Variants in MYO16 observed in about 807,000 individuals in gnomAD.
The protein encoded by MYO16 is myosin XVI.
A neutral mutation model predicts 205.3 loss-of-function variants in MYO16; 94 were observed. The observed-to-expected ratio is 0.46, with a 90% CI of 0.39 to 0.54. MYO16 has a LOEUF of 0.54. Ranked by LOEUF, MYO16 falls within the 20% of genes least tolerant of loss-of-function variation. The pLI is 0.00. For synonymous variants in MYO16, 988 were observed against 954.0 expected (o/e 1.04, Z -0.66); for missense variants, 2,315 against 2,387.5 (o/e 0.97, Z 0.63).
chr13:108,716,730 G>A (rs758511942), intron 3 of MYO16, among the ~76,000 whole-genome samples: 11 of 152,204 alleles, frequency 7.2e-5, no homozygotes, highest in Non-Finnish European at 1.3e-4. Context: ...CAGCGACTTT[G>A]AGGGAAAGAG....
chr13:108,508,189 G>C, the MYO16 span, among the ~76,000 whole-genome samples: 1 of 149,618 alleles, frequency 6.7e-6, no homozygotes, highest in Non-Finnish European at 1.5e-5. Flanking sequence ...TTGTTCTTTT[G>C]ATTGGGCCAA....
chr13:108,507,634 C>T, the MYO16 span, among the ~76,000 whole-genome samples: 1 of 152,094 alleles, frequency 6.6e-6, no homozygotes, highest in Non-Finnish European at 1.5e-5. Flanking sequence ...TGTTTAACTT[C>T]TTAAATTTGG....
the MYO16 span, among the ~76,000 whole-genome samples, chr13:108,550,199 C>T: frequency 6.6e-6 from 1 of 152,270 alleles, no homozygotes; most frequent in Non-Finnish European, 1.5e-5. Flanking sequence ...TGCTCTTCGA[C>T]ACAGCTGCTG....
chr13:109,023,678 T>TATATATGC (rs1491174618), intron 23 of MYO16, among the ~76,000 whole-genome samples: 29 of 112,558 alleles, frequency 2.6e-4, no homozygotes, highest in African/African-American at 8.0e-4. Flanking sequence ...CAAATATATG[T>TATATATGC]ATATATACAT....
chr13:109,202,508 G>A lies in MYO16; in HGVS notation c.5416-4101G>A, dbSNP rs554094479. Among the ~76,000 whole-genome samples the A allele has an allele frequency of 1.3e-3, 194 of 152,030 alleles. 1 individual carries two copies. The highest frequency in any genetic ancestry group is 2.0e-3 in the Admixed American group (30 of 15,270). ...GTTGGGCATTTGTGTATCTTCTTTC[G>A]AGAAGTGTCTACTCAAGTCCTTAGC... On this transcript the variant is annotated intron_variant, in intron 34 of 34. Coordinates refer to ENST00000457511, the MANE Select transcript of MYO16 (RefSeq NM_001198950.3).
intron 23 of MYO16, among the ~76,000 whole-genome samples, chr13:109,026,351 G>A (rs894105898): frequency 5.3e-5 from 8 of 152,096 alleles, no homozygotes. Context: ...TGAGAGAAAA[G>A]AAGGAGGCCA....
At position 109,125,206 on chromosome 13, in the gene MYO16, A is replaced by G. The variant is rs1244746427; in HGVS notation, c.3630A>G (p.Thr1210=). ...VTSINSFLQN[T]EDMGLKTYDA... is the part of the protein sequence containing the mutation. Reference sequence around the variant, plus strand: ...CTATCAATAGCTTTCTGCAGAACACAGAGGACATGGGGCTGAAAACCTACG... The same window carrying G: ...CTATCAATAGCTTTCTGCAGAACACGGAGGACATGGGGCTGAAAACCTACG... Residue 1210 remains threonine (T), a synonymous_variant, in exon 30 of 35, where the codon ACA becomes ACG. Coordinates refer to ENST00000457511, the MANE Select transcript of MYO16 (RefSeq NM_001198950.3). The surrounding 1 kb of genome is among the most constrained non-coding windows in gnomAD (Gnocchi z 4.0). 5 of 1,614,076 alleles carry G rather than the reference A, an allele frequency of 3.1e-6. No homozygotes were observed. The African/African-American group carries it at 6.7e-5, about 22-fold the overall frequency.
At chr13:108,612,749 C>T (rs1036806040) in intron 1 of MYO16, among the ~76,000 whole-genome samples, 3 of 152,156 alleles carry the variant, frequency 2.0e-5, no homozygotes, top group Non-Finnish European at 2.9e-5. Context: ...TTCCCATTAC[C>T]TCCTTTCAGA....
At chr13:108,641,620 C>T (rs538687547) in intron 1 of MYO16, among the ~76,000 whole-genome samples, 24 of 152,296 alleles carry the variant, frequency 1.6e-4, no homozygotes, top group African/African-American at 5.5e-4. Context: ...TCCTACATGT[C>T]TAGTTCATTA....
chr13:109,142,053 G>T (rs1398135394), intron 32 of MYO16, among the ~76,000 whole-genome samples: 2 of 152,192 alleles, frequency 1.3e-5, no homozygotes, highest in Admixed American at 6.5e-5. Flanking sequence ...GCTGTTGCCT[G>T]CATTCAAAAA....
At chr13:108,595,800 T>C (rs1878535420), upstream of MYO16, among the ~76,000 whole-genome samples, 2 of 152,200 alleles carry the variant, frequency 1.3e-5, no homozygotes, top group South Asian at 4.1e-4. Flanking sequence ...TTAATGTTCA[T>C]TGTGGTGGCT....
chr13:109,091,834 A>G (rs1888633714), intron 27 of MYO16, among the ~76,000 whole-genome samples: 1 of 152,188 alleles, frequency 6.6e-6, no homozygotes, highest in South Asian at 2.1e-4. Context: ...GTTCTCCCCA[A>G]ATATTATTTT....
the MYO16 span, among the ~76,000 whole-genome samples, chr13:108,564,172 CTTT>C: frequency 1.6e-3 from 203 of 126,662 alleles, 1 homozygote; most frequent in East Asian, 2.9e-3. Flanking sequence ...CTATTGCCTT[CTTT>C]TTTTTTTTTT....
intron 2 of MYO16, among the ~76,000 whole-genome samples, chr13:108,702,440 A>G (rs982755494): frequency 1.3e-5 from 2 of 152,210 alleles, no homozygotes; most frequent in East Asian, 3.8e-4. Flanking sequence ...AGAATTCTAT[A>G]TCCATGAAAA....
chr13:108,614,834 A>G (rs1430074718), intron 1 of MYO16, among the ~76,000 whole-genome samples: 1 of 152,022 alleles, frequency 6.6e-6, no homozygotes, highest in Non-Finnish European at 1.5e-5. Context: ...TAGACCATGG[A>G]ACTAAATGCA....
At chr13:108,839,705 C>T (rs1877130200) in intron 9 of MYO16, among the ~76,000 whole-genome samples, 1 of 152,138 alleles carries the variant, frequency 6.6e-6, no homozygotes, top group Admixed American at 6.6e-5. Flanking sequence ...CATTAAGATC[C>T]AACTGTTTTG....
At chr13:108,621,330 C>A (rs181272548) in intron 1 of MYO16, among the ~76,000 whole-genome samples, 33 of 152,156 alleles carry the variant, frequency 2.2e-4, no homozygotes, top group Non-Finnish European at 3.4e-4. Context: ...GTAGTCCCCC[C>A]ACTTATTTGC....
At chr13:109,003,927 A>G (rs1278867392) in intron 21 of MYO16, among the ~76,000 whole-genome samples, 2 of 152,228 alleles carry the variant, frequency 1.3e-5, no homozygotes, top group African/African-American at 4.8e-5. Flanking sequence ...TAGAGTCATC[A>G]ATGTCCAAGT....
rs1334503007 is a variant in MYO16, at chr13:109,048,613, C to G, written c.2872+1622C>G. Reference sequence around the variant, plus strand: ...GGCTCAGGAGCCATGATTGCTCACTCACTCTATCATAAAAGCAAAATATTT... The same window carrying G: ...GGCTCAGGAGCCATGATTGCTCACTGACTCTATCATAAAAGCAAAATATTT... On this transcript the variant is annotated intron_variant, in intron 24 of 34. Coordinates refer to ENST00000457511, the MANE Select transcript of MYO16 (RefSeq NM_001198950.3). 8.7e-6 allele frequency: 3 copies of G among 346,700 alleles called. No individual in the cohort carries two copies. The East Asian group carries it at 1.3e-4, about 15-fold the overall frequency. The allele number at this position is 346,700 out of a possible 1,614,324, so 21.5% of individuals were successfully genotyped here. A position where few individuals can be genotyped will look rare whatever the true frequency, so the allele number is the denominator to read the frequency against.
Sources: allele counts gnomAD v4.1 joint callset (sites outside exome capture counted in the v4.1 genomes callset), GRCh38; gene constraint gnomAD v4.1.1; non-coding constraint Gnocchi (gnomAD v3.1); transcripts MANE v1.5; gene names NCBI Gene and HGNC (gene_info 2026-07-23, HGNC 2026-07-21).